DNMT3A: variants seen among roughly 807,000 people sequenced by gnomAD.
DNMT3A encodes DNA methyltransferase 3 alpha, also known as DNA (cytosine-5)-methyltransferase 3A.
A neutral mutation model predicts 117.6 loss-of-function variants in DNMT3A; 267 were observed. That is an observed-to-expected ratio of 2.27 (90% CI 2.05 to 2.51). The LOEUF is 2.51. Among genes scored for constraint, DNMT3A ranks in the 30% most tolerant of loss-of-function variants. DNMT3A has a pLI of 0.00. For missense variants in DNMT3A, 1,029 were observed against 1,260.2 expected (o/e 0.82, Z 2.78); for synonymous variants, 432 against 474.8 (o/e 0.91, Z 1.17).
rs138866177 is a variant in DNMT3A, at chr2:25,234,494, C to T, written c.2598-74G>A. The T allele has an allele frequency of 4.8e-4, 735 of 1,516,076 alleles. 14 individuals are homozygous for T. In the Admixed American group the frequency reaches 9.5e-3, roughly 20 times the overall value. The allele number at this position is 1,516,076 out of a possible 1,614,324, so 93.9% of individuals were successfully genotyped here. A position where few individuals can be genotyped will look rare whatever the true frequency, so the allele number is the denominator to read the frequency against. On this transcript the variant is annotated intron_variant, in intron 22 of 22. Coordinates refer to ENST00000321117, the MANE Select transcript of DNMT3A (RefSeq NM_022552.5). The surrounding 1 kb of genome is among the most constrained non-coding windows in gnomAD (Gnocchi z 4.5). The stretch of plus-strand genomic sequence containing the variant: ...GCTGCCCGGAAGCCGTCTAACCACA[C>T]AGCAGGACCCGGAGGACCAGCAGCC...
Position 25,300,770 on chromosome 2 carries a change from AAT to A in DNMT3A, c.73-529_73-528del, listed in dbSNP as rs1238016301. ...ATATATATATATATATATATATATAAATAATACATCCTTTGGGGAACTTCAGG... is the reference window on the plus strand; with the variant it reads ...ATATATATATATATATATATATATAAAATACATCCTTTGGGGAACTTCAGG... On this transcript the variant is annotated intron_variant, in intron 2 of 22. Transcript: ENST00000321117. Among the ~76,000 whole-genome samples the A allele has an allele frequency of 1.9e-3, 106 of 56,546 alleles. 3 individuals carry two copies. Among genetic ancestry groups the A allele is most frequent in the African/African-American group, 6.6e-3 (92 of 14,012 alleles). The allele number at this position is 56,546 out of a possible 152,430, so 37.1% of individuals were successfully genotyped here. A position where few individuals can be genotyped will look rare whatever the true frequency, so the allele number is the denominator to read the frequency against.
At chr2:25,290,422 G>T (rs1401783748) in intron 3 of DNMT3A, among the ~76,000 whole-genome samples, 1 of 151,114 alleles carries the variant, frequency 6.6e-6, no homozygotes, top group African/African-American at 2.4e-5. Flanking sequence ...CCGGGTTCAA[G>T]CGATTCTCCT....
rs979956987 is a variant in DNMT3A at position 25,232,425 on chromosome 2, T to C, written c.*1854A>G. On this transcript the variant is annotated 3_prime_UTR_variant, in exon 23 of 23. Coordinates refer to ENST00000321117, the MANE Select transcript of DNMT3A (RefSeq NM_022552.5). This position sits in a 1 kb window ranked among gnomAD's most constrained non-coding sequence, Gnocchi z 4.1. The stretch of plus-strand genomic sequence containing the variant: ...GTTGAGCACTTGGGGCTCCAGGTGC[T>C]GCTGACTCGAGGTAAGAGCACAGCT... 6.6e-5 allele frequency: 10 copies of C among 152,272 alleles called. No homozygotes were observed. Among genetic ancestry groups the C allele is most frequent in the Admixed American group, 3.9e-4 (6 of 15,278 alleles). 9.4% of individuals were successfully genotyped at this position (152,272 alleles called of 1,614,324 possible).
intron 6 of DNMT3A, among the ~76,000 whole-genome samples, chr2:25,272,315 G>A (rs2030977044): frequency 1.3e-5 from 2 of 152,202 alleles, no homozygotes; most frequent in Non-Finnish European, 2.9e-5. Flanking sequence ...TTTTAGTAGA[G>A]ACCTAAAATT....
At chr2:25,307,318 C>CA (rs927360197) in intron 2 of DNMT3A, among the ~76,000 whole-genome samples, 3 of 152,108 alleles carry the variant, frequency 2.0e-5, no homozygotes, top group African/African-American at 7.2e-5. Context: ...ACTGCTCCAC[C>CA]ACTCAGCTCT....
intron 2 of DNMT3A, among the ~76,000 whole-genome samples, chr2:25,310,523 C>T (rs1263926970): frequency 1.3e-5 from 2 of 152,112 alleles, no homozygotes; most frequent in African/African-American, 4.8e-5. Flanking sequence ...CCACTCTGTA[C>T]ACTCCCAGCC....
intron 3 of DNMT3A, among the ~76,000 whole-genome samples, chr2:25,287,682 T>G (rs531659763): frequency 6.6e-6 from 1 of 151,350 alleles, no homozygotes; most frequent in African/African-American, 2.4e-5. Flanking sequence ...TGGCATCTAG[T>G]GAGTAGAGGC....
rs1673349004 is a variant in DNMT3A at position 25,236,194 on chromosome 2, T to TCCC, written c.2479-370_2479-369insGGG. 6.6e-6 allele frequency among the ~76,000 whole-genome samples: 1 copy of TCCC among 151,966 alleles called. No homozygotes were observed. The highest frequency in any genetic ancestry group is 1.5e-5 in the Non-Finnish European group (1 of 68,006). ...GATTCTAATGCCTCAGACTCCTGAG[T>TCCC]AGCTGGGACTACAGGCGCCCGCCAC... On this transcript the variant is annotated intron_variant, in intron 21 of 22. Transcript: ENST00000321117. This position sits in a 1 kb window ranked among gnomAD's most constrained non-coding sequence, Gnocchi z 4.5.
At chr2:25,295,043 AC>A (rs780440199) in intron 3 of DNMT3A, among the ~76,000 whole-genome samples, 37 of 151,932 alleles carry the variant, frequency 2.4e-4, no homozygotes, top group East Asian at 1.9e-3. Context: ...AGGGCCACTC[AC>A]CCCCCAGGGC....
At chr2:25,309,159 G>A (rs2033947989) in intron 2 of DNMT3A, among the ~76,000 whole-genome samples, 1 of 152,196 alleles carries the variant, frequency 6.6e-6, no homozygotes, top group Non-Finnish European at 1.5e-5. Flanking sequence ...CCACCTCGAT[G>A]TCTTCCTACC....
At position 25,229,923 on chromosome 2, in the gene DNMT3A, A is replaced by AT. The variant is rs1558646435; in HGVS notation, c.*4355dup. The AT allele has an allele frequency of 6.6e-6, 1 of 152,228 alleles. No individual in the cohort carries two copies. The highest frequency in any genetic ancestry group is 1.5e-5 in the Non-Finnish European group (1 of 68,044). 9.4% of individuals were successfully genotyped at this position (152,228 alleles called of 1,614,324 possible). On this transcript the variant is annotated 3_prime_UTR_variant, in exon 23 of 23. Transcript: ENST00000321117. ...CCATCTAGGCTTCCCCAGAGTCGCCATGGCCTGGTGGCCAATTATCGGGAA... is the reference window on the plus strand; with the variant it reads ...CCATCTAGGCTTCCCCAGAGTCGCCATTGGCCTGGTGGCCAATTATCGGGAA...
intron 20 of DNMT3A, among the ~76,000 whole-genome samples, chr2:25,238,308 G>A (rs1673591504): frequency 6.6e-6 from 1 of 152,094 alleles, no homozygotes; most frequent in Non-Finnish European, 1.5e-5. Context: ...TATGAGATGG[G>A]GAAGGTCCTA....
At chr2:25,324,439 T>G (rs2034712830) in intron 1 of DNMT3A, among the ~76,000 whole-genome samples, 1 of 152,320 alleles carries the variant, frequency 6.6e-6, no homozygotes. Flanking sequence ...TGGTCATGAA[T>G]GAGCATGCTA....
chr2:25,313,957 C>T lies in DNMT3A; in HGVS notation c.28G>A (p.Gly10Arg), dbSNP rs752093845. 4.3e-5 allele frequency: 66 copies of T among 1,549,038 alleles called. No individual in the cohort carries two copies. Among genetic ancestry groups the T allele is most frequent in the East Asian group, 2.4e-4 (10 of 41,374 alleles). ...TCCGCAGCAGAGCTGCTGGTGTCCC[C>T]GGGGCCGCTGGAGGGCATGGCGGGC... MPAMPSSGP[G>R]DTSSSAAERE... The change falls in exon 2 of 23, where the codon GGG becomes AGG. Residue 10 changes from glycine to arginine, a missense_variant. By Grantham distance (125) the Gly-to-Arg change is moderately radical. Transcript: ENST00000321117.
intron 6 of DNMT3A, among the ~76,000 whole-genome samples, chr2:25,264,529 G>A (rs1317234779): frequency 6.6e-6 from 1 of 151,556 alleles, no homozygotes; most frequent in Non-Finnish European, 1.5e-5. Context: ...GTGCAGTGGT[G>A]CGATCTCGGC....
At chr2:25,238,378 C>T (rs1187750491) in intron 20 of DNMT3A, among the ~76,000 whole-genome samples, 1 of 152,148 alleles carries the variant, frequency 6.6e-6, no homozygotes, top group Non-Finnish European at 1.5e-5. Flanking sequence ...GAAATGATGT[C>T]TCCTAGTTAT....
rs562623374 is a variant in DNMT3A at position 25,305,872 on chromosome 2, T to C, written c.73-5629A>G. Among the ~76,000 whole-genome samples the C allele has an allele frequency of 1.3e-5, 2 of 152,228 alleles. No individual in the cohort carries two copies. The highest frequency in any genetic ancestry group is 2.4e-5 in the African/African-American group (1 of 41,456). On this transcript the variant is annotated intron_variant, in intron 2 of 22. Coordinates refer to ENST00000321117, the MANE Select transcript of DNMT3A (RefSeq NM_022552.5). The surrounding 1 kb of genome is among the most constrained non-coding windows in gnomAD (Gnocchi z 4.1). ...TCACCTAGAGACAGCCAGCCTGACA[T>C]ACGTGTATTCCCTTCAGTACTTAAA...
chr2:25,236,775 T>G lies in DNMT3A; in HGVS notation c.2478+161A>C, dbSNP rs1673411279. ...GCTGAAGGCCAGCAGCCCTGGGCCC[T>G]CCTCTGGCTGCCCTGCTGCATGACC... On this transcript the variant is annotated intron_variant, in intron 21 of 22. Transcript: ENST00000321117. The surrounding 1 kb of genome is among the most constrained non-coding windows in gnomAD (Gnocchi z 4.5). Among the ~76,000 whole-genome samples, 2 of 152,308 alleles carry G rather than the reference T, an allele frequency of 1.3e-5. No homozygotes were observed. The highest frequency in any genetic ancestry group is 4.8e-5 in the African/African-American group (2 of 41,576).
At position 25,243,924 on chromosome 2, in the gene DNMT3A, A is replaced by G. The variant is rs371523368; in HGVS notation, c.1910T>C (p.Leu637Pro). 7 of 1,552,042 alleles carry G rather than the reference A, an allele frequency of 4.5e-6. No individual in the cohort carries two copies. The highest frequency in any genetic ancestry group is 1.2e-5 in the South Asian group (1 of 84,084). ...TGTAGCGATTCCATCAAAGAGAGAC[A>G]GCACCCGGATGGGCTTCCTCTTCTC... is the stretch of plus-strand genomic sequence containing the variant. ...PAEKRKPIRV[L>P]SLFDGIATGL... The change falls in exon 16 of 23, where the codon CTG becomes CCG. Residue 637 changes from leucine to proline, a missense_variant. Leu to Pro is a moderately conservative substitution (Grantham distance 98). Transcript: ENST00000321117.
Sources: gnomAD v4.1 joint callset for allele counts (sites outside exome capture counted in the v4.1 genomes callset) on GRCh38, gnomAD v4.1.1 for gene constraint, Gnocchi (gnomAD v3.1) non-coding constraint, MANE v1.5 for transcripts, NCBI Gene and HGNC (gene_info 2026-07-23, HGNC 2026-07-21) for gene names.